The following MAML2 variants were observed in gnomAD, a reference collection of about 807,000 sequenced individuals.
The protein encoded by MAML2 is mastermind-like protein 2.
MAML2 carries 22 observed loss-of-function variants against 96.1 expected under a neutral mutation model. The observed-to-expected ratio is 0.23, with a 90% CI of 0.16 to 0.33. The LOEUF is 0.33. Ranked by LOEUF, MAML2 falls within the 10% of genes least tolerant of loss-of-function variation. The pLI, the probability that MAML2 is intolerant of heterozygous loss-of-function variation, is 1.00. For synonymous variants in MAML2, 561 were observed against 521.3 expected (o/e 1.08, Z -1.04); for missense variants, 1,367 against 1,392.4 (o/e 0.98, Z 0.29).
At chr11:96,330,040 CT>C (rs1863832836) in intron 1 of MAML2, among the ~76,000 whole-genome samples, 1 of 152,168 alleles carries the variant, frequency 6.6e-6, no homozygotes, top group South Asian at 2.1e-4. Context: ...GAGGTTAACC[CT>C]TTTCTATTTT....
At chr11:96,314,403 T>C (rs1292714303) in intron 1 of MAML2, among the ~76,000 whole-genome samples, 2 of 152,220 alleles carry the variant, frequency 1.3e-5, no homozygotes, top group South Asian at 2.1e-4. Flanking sequence ...CCTCTTGATA[T>C]CCCCTCTTTC....
intron 2 of MAML2, among the ~76,000 whole-genome samples, chr11:96,021,016 TTTTTTTC>T (rs1337994391): frequency 3.9e-5 from 6 of 152,200 alleles, no homozygotes; most frequent in Non-Finnish European, 7.3e-5. Flanking sequence ...ATTTCTTCCC[TTTTTTTC>T]TTTTTTCTTT....
chr11:96,021,615 C>T (rs1013224440), intron 2 of MAML2, among the ~76,000 whole-genome samples: 21 of 152,200 alleles, frequency 1.4e-4, no homozygotes, highest in African/African-American at 4.8e-4. Flanking sequence ...CTTGAGGACT[C>T]GCTTTTCTCT....
chr11:96,072,923 T>G (rs1328638404), intron 2 of MAML2, among the ~76,000 whole-genome samples: 1 of 152,242 alleles, frequency 6.6e-6, no homozygotes, highest in Non-Finnish European at 1.5e-5. Context: ...TGGCTCCATT[T>G]CAGTTAAGTA....
At chr11:96,156,471 G>GCAC (rs1369108430) in intron 1 of MAML2, among the ~76,000 whole-genome samples, 1 of 152,170 alleles carries the variant, frequency 6.6e-6, no homozygotes, top group Non-Finnish European at 1.5e-5. Context: ...CCCCTGGATA[G>GCAC]CACCCGTTTA....
Position 96,265,453 on chromosome 11 carries a change from G to A in MAML2, c.513+75930C>T, listed in dbSNP as rs555037833. Among the ~76,000 whole-genome samples, 4 of 149,982 alleles carry A rather than the reference G, an allele frequency of 2.7e-5. No homozygotes were observed. The South Asian group carries it at 8.3e-4, about 31-fold the overall frequency. ...ACAACCACTGGTGAAAGACAGCTCA[G>A]CAGAAATGATATGGAAGAGGGGAAG... On this transcript the variant is annotated intron_variant, in intron 1 of 4. Coordinates refer to ENST00000524717, the MANE Select transcript of MAML2 (RefSeq NM_032427.4).
chr11:96,298,303 A>T (rs1035852210), intron 1 of MAML2, among the ~76,000 whole-genome samples: 29 of 152,222 alleles, frequency 1.9e-4, no homozygotes, highest in Admixed American at 1.8e-3. Flanking sequence ...ATCATGCAAG[A>T]AAGTTCTTTG....
chr11:96,013,011 A>G (rs1484875830), intron 2 of MAML2, among the ~76,000 whole-genome samples: 1 of 152,186 alleles, frequency 6.6e-6, no homozygotes, highest in Non-Finnish European at 1.5e-5. Context: ...ATTCACCTTA[A>G]CAGACTAACT....
At chr11:96,285,799 G>T (rs1001041483) in intron 1 of MAML2, among the ~76,000 whole-genome samples, 4 of 152,170 alleles carry the variant, frequency 2.6e-5, no homozygotes, top group African/African-American at 9.7e-5. Context: ...AGTCAGAATG[G>T]CTATTATTAA....
chr11:96,311,613 G>C (rs550410936), intron 1 of MAML2, among the ~76,000 whole-genome samples: 6 of 152,110 alleles, frequency 3.9e-5, no homozygotes, highest in Non-Finnish European at 8.8e-5. Flanking sequence ...GCTGAGGTTC[G>C]AAACACAGTC....
rs930594952 is a variant in MAML2, at chr11:95,976,723, T to C, written c.*2225A>G. The C allele has an allele frequency of 1.7e-5, 3 of 180,870 alleles. No homozygotes were observed. The highest frequency in any genetic ancestry group is 3.5e-5 in the Non-Finnish European group (3 of 84,738). The allele number at this position is 180,870 out of a possible 1,614,324, so 11.2% of individuals were successfully genotyped here. On this transcript the variant is annotated 3_prime_UTR_variant, in exon 5 of 5. Transcript: ENST00000524717. Reference sequence around the variant, plus strand: ...TTTATCTCTTAAATTTGATAACTACTACAAAACATACTATTTATGTTAGGG... The same window carrying C: ...TTTATCTCTTAAATTTGATAACTACCACAAAACATACTATTTATGTTAGGG...
chr11:96,167,404 C>A (rs1861211822), intron 1 of MAML2, among the ~76,000 whole-genome samples: 1 of 152,154 alleles, frequency 6.6e-6, no homozygotes, highest in South Asian at 2.1e-4. Flanking sequence ...CCACACTGGC[C>A]CCCAGAGGTG....
intron 2 of MAML2, among the ~76,000 whole-genome samples, chr11:96,073,321 CTTTTT>C (rs57220287): frequency 1.8e-5 from 2 of 108,318 alleles, no homozygotes; most frequent in Non-Finnish European, 2.0e-5. Context: ...CTTTTCTTTT[CTTTTT>C]TTTTTTTTTT....
At chr11:96,035,940 A>C (rs1354946067) in intron 2 of MAML2, among the ~76,000 whole-genome samples, 1 of 152,236 alleles carries the variant, frequency 6.6e-6, no homozygotes, top group African/African-American at 2.4e-5. Flanking sequence ...GTTAGGATAT[A>C]GACTCCTCAG....
intron 2 of MAML2, among the ~76,000 whole-genome samples, chr11:96,090,401 T>A (rs1859684652): frequency 6.6e-6 from 1 of 152,166 alleles, no homozygotes; most frequent in South Asian, 2.1e-4. Context: ...TTCAATACAC[T>A]CCTAGGAGAT....
chr11:96,337,481 T>C (rs572748720), intron 1 of MAML2, among the ~76,000 whole-genome samples: 4 of 152,272 alleles, frequency 2.6e-5, no homozygotes, highest in East Asian at 3.8e-4. Flanking sequence ...ACTTTTCTAA[T>C]ATGCCTTAGA....
intron 1 of MAML2, among the ~76,000 whole-genome samples, chr11:96,177,374 C>T (rs7111187): frequency 3.3e-5 from 5 of 152,206 alleles, no homozygotes; most frequent in South Asian, 2.1e-4. Flanking sequence ...GGCATGTCAC[C>T]GGGAAAGAAG....
intron 1 of MAML2, among the ~76,000 whole-genome samples, chr11:96,115,591 G>A (rs1205742582): frequency 6.6e-6 from 1 of 151,900 alleles, no homozygotes. Context: ...ATCAGTATAA[G>A]CATTCGACAA....
At chr11:96,313,193 G>T (rs553346899) in intron 1 of MAML2, among the ~76,000 whole-genome samples, 11 of 152,244 alleles carry the variant, frequency 7.2e-5, no homozygotes. Flanking sequence ...ATTAGCAAGG[G>T]GTAGAGCTGG....
Sources: allele counts gnomAD v4.1 joint callset (sites outside exome capture counted in the v4.1 genomes callset), GRCh38; gene constraint gnomAD v4.1.1; transcripts MANE v1.5; gene names NCBI Gene and HGNC (gene_info 2026-07-23, HGNC 2026-07-21).